MBP: variants seen among roughly 807,000 people sequenced by gnomAD.
MBP encodes the protein myelin basic protein.
In MBP, 16 loss-of-function variants were observed where a neutral mutation model predicts 35.8. That is an observed-to-expected ratio of 0.45 (90% CI 0.30 to 0.68). The LOEUF (loss-of-function observed/expected upper bound fraction) is 0.68, where lower values mean the gene tolerates loss of function less well. MBP is among the 30% of genes least tolerant of loss of function. The pLI is 0.08. For synonymous variants in MBP, 143 were observed against 159.6 expected (o/e 0.90, Z 0.78); for missense variants, 380 against 404.7 (o/e 0.94, Z 0.52).
chr18:77,015,744 A>G (rs1005866452), intron 4 of MBP: 2 of 985,260 alleles, frequency 2.0e-6, no homozygotes, highest in African/African-American at 1.7e-5. Context: ...AAAGAATTGC[A>G]GTTGGAGACT....
At chr18:77,012,833 A>G in intron 4 of MBP, 1 of 985,408 alleles carries the variant, frequency 1.0e-6, no homozygotes, top group South Asian at 4.7e-5. Flanking sequence ...AAAAAGGCAG[A>G]AAAATATATA....
At chr18:77,098,793 G>A (rs959190402) in intron 2 of MBP, among the ~76,000 whole-genome samples, 5 of 152,220 alleles carry the variant, frequency 3.3e-5, no homozygotes, top group African/African-American at 1.2e-4. Context: ...CACTCTCACC[G>A]GCCCTAAACG....
intron 2 of MBP, 52 bp downstream of exon 2, chr18:77,105,159 G>C: frequency 6.3e-7 from 1 of 1,577,432 alleles, no homozygotes; most frequent in Non-Finnish European, 8.7e-7. Context: ...AAGGGGATTT[G>C]TGTTTAATAA....
chr18:77,066,187 C>T, intron 3 of MBP, 111 bp downstream of exon 3: 1 of 761,342 alleles, frequency 1.3e-6, no homozygotes, highest in Non-Finnish European at 2.3e-6. Context: ...TGAGTACAGA[C>T]AGATCCATGG....
At position 77,016,814 on chromosome 18, in the gene MBP, C is replaced by T. The variant is rs753081741; in HGVS notation, c.576+18G>A. 53 of 1,612,606 alleles carry T rather than the reference C, an allele frequency of 3.3e-5. No homozygotes were observed. The highest frequency in any genetic ancestry group is 8.3e-5 in the Admixed American group (5 of 59,922). ...TTTTTCCATTTAAACTAAAACTCCTCTACTCCTCAGAGCTCACCTTGCCAG... is the reference window on the plus strand; with the variant it reads ...TTTTTCCATTTAAACTAAAACTCCTTTACTCCTCAGAGCTCACCTTGCCAG... On this transcript the variant is annotated intron_variant, in intron 4 of 8. Transcript: ENST00000355994.
intron 4 of MBP, chr18:77,016,397 AAGCTAGC>A (rs1971640344): frequency 1.0e-6 from 1 of 1,001,008 alleles, no homozygotes; most frequent in African/African-American, 1.7e-5. Flanking sequence ...GAGCAACATG[AAGCTAGC>A]AGCACTGACT....
intron 8 of MBP, chr18:76,983,409 G>A (rs1969332685): frequency 6.6e-6 from 1 of 152,352 alleles, no homozygotes. Context: ...CTGGCCAGGT[G>A]GGGCGGGGCC....
chr18:77,010,011 G>C (rs1227377975), intron 4 of MBP: 1 of 967,138 alleles, frequency 1.0e-6, no homozygotes, highest in African/African-American at 1.6e-5. Flanking sequence ...ATCTCCTCTA[G>C]AGCTGGCTTG....
At chr18:77,100,813 G>A (rs562032290) in intron 2 of MBP, among the ~76,000 whole-genome samples, 9 of 152,062 alleles carry the variant, frequency 5.9e-5, no homozygotes, top group African/African-American at 1.9e-4. Flanking sequence ...TCAGCCTCCC[G>A]CAGTGCTGGG....
chr18:76,993,028 C>A (rs1040344218), intron 4 of MBP, among the ~76,000 whole-genome samples: 1 of 152,222 alleles, frequency 6.6e-6, no homozygotes, highest in Non-Finnish European at 1.5e-5. Context: ...AGGGCCTACT[C>A]AGCACTGCGA....
intron 3 of MBP, among the ~76,000 whole-genome samples, chr18:77,036,307 T>A (rs1345809093): frequency 9.3e-6 from 1 of 107,524 alleles, no homozygotes. Flanking sequence ...TTTGGAGGAC[T>A]GAGCTGAGCA....
At chr18:77,052,331 G>T (rs1568314098) in intron 3 of MBP, among the ~76,000 whole-genome samples, 1 of 152,198 alleles carries the variant, frequency 6.6e-6, no homozygotes, top group African/African-American at 2.4e-5. Context: ...TCCCGATCGG[G>T]GGGGTAAGAC....
At chr18:77,103,316 G>A (rs569077524) in intron 2 of MBP, among the ~76,000 whole-genome samples, 2 of 152,220 alleles carry the variant, frequency 1.3e-5, no homozygotes, top group East Asian at 1.9e-4. Flanking sequence ...TCAATTCCGC[G>A]GACATTTCTA....
At chr18:77,092,699 G>A (rs1975585613) in intron 2 of MBP, among the ~76,000 whole-genome samples, 1 of 152,146 alleles carries the variant, frequency 6.6e-6, no homozygotes, top group Non-Finnish European at 1.5e-5. Flanking sequence ...AACATGATCA[G>A]TGAAGGAAGA....
intron 8 of MBP, chr18:76,982,852 T>C (rs1969286598): frequency 6.6e-6 from 1 of 152,236 alleles, no homozygotes; most frequent in Non-Finnish European, 1.5e-5. Context: ...AACCATATGA[T>C]TTGAAATTTG....
At chr18:77,002,419 C>T (rs1257608313) in intron 4 of MBP, among the ~76,000 whole-genome samples, 2 of 152,194 alleles carry the variant, frequency 1.3e-5, no homozygotes, top group East Asian at 3.8e-4. Context: ...CATCTACCAT[C>T]CAGTGGCTAA....
At chr18:77,091,652 A>G (rs1975529480) in intron 2 of MBP, among the ~76,000 whole-genome samples, 2 of 151,358 alleles carry the variant, frequency 1.3e-5, no homozygotes, top group African/African-American at 2.4e-5. Flanking sequence ...CACCACAAAC[A>G]CACATGCACA....
intron 1 of MBP, among the ~76,000 whole-genome samples, chr18:77,122,559 A>G (rs1262672561): frequency 2.0e-5 from 3 of 152,302 alleles, no homozygotes; most frequent in Non-Finnish European, 4.4e-5. Flanking sequence ...TAAATTTTTT[A>G]TGAGACAGAA....
In MBP at chr18:77,066,366, C is replaced by T. The variant is rs1401525409; in HGVS notation, c.71G>A (p.Gly24Glu). The T allele has an allele frequency of 1.2e-6, 2 of 1,612,232 alleles. No homozygotes were observed. The highest frequency in any genetic ancestry group is 2.2e-5 in the East Asian group (1 of 44,886). The change falls in exon 3 of 9, where the codon GGA becomes GAA. Residue 24 changes from glycine (G) to glutamate (E), a missense_variant. Coordinates refer to ENST00000355994, the MANE Select transcript of MBP (RefSeq NM_001025101.2). Reference protein sequence around the residue: ...KASTNSETNRGESEKKRNLGE... With the variant: ...KASTNSETNREESEKKRNLGE... ...CAGGTTTCTCTTTTTTTCAGATTCTCCTCTGTTAGTTTCACTATTCTGGAA... is the reference window on the plus strand; with the variant it reads ...CAGGTTTCTCTTTTTTTCAGATTCTTCTCTGTTAGTTTCACTATTCTGGAA...
Sources: gnomAD v4.1 joint callset for allele counts (sites outside exome capture counted in the v4.1 genomes callset) on GRCh38, gnomAD v4.1.1 for gene constraint, MANE v1.5 for transcripts, NCBI Gene and HGNC (gene_info 2026-07-23, HGNC 2026-07-21) for gene names.